DAAM1: variants seen among roughly 807,000 people sequenced by gnomAD.
DAAM1 encodes the protein dishevelled associated activator of morphogenesis 1.
DAAM1 carries 52 observed loss-of-function variants against 130.0 expected under a neutral mutation model. That is an observed-to-expected ratio of 0.40 (90% CI 0.32 to 0.50). The LOEUF is 0.50. Among genes scored for constraint, DAAM1 ranks in the 20% least tolerant of loss-of-function variants. The pLI is 0.61. For synonymous variants in DAAM1, 452 were observed against 444.5 expected (o/e 1.02, Z -0.21); for missense variants, 1,134 against 1,303.8 (o/e 0.87, Z 2.01).
intron 1 of DAAM1, among the ~76,000 whole-genome samples, chr14:59,244,510 A>C (rs540775078): frequency 2.6e-5 from 4 of 152,280 alleles, no homozygotes; most frequent in African/African-American, 9.6e-5. Flanking sequence ...CAAAGCACAC[A>C]TCTCTTTTGT....
intron 1 of DAAM1, among the ~76,000 whole-genome samples, chr14:59,247,557 A>G (rs1410937087): frequency 6.6e-6 from 1 of 152,034 alleles, no homozygotes; most frequent in Non-Finnish European, 1.5e-5. Context: ...ACTTTCAGAA[A>G]TGTTTTTTAG....
In DAAM1 at chr14:59,315,172, C is replaced by T. The variant is rs1314787858; in HGVS notation, c.274-108C>T. 3.1e-6 allele frequency: 3 copies of T among 966,738 alleles called. No homozygotes were observed. In the African/African-American group the frequency reaches 4.8e-5, roughly 15 times the overall value. 59.9% of individuals were successfully genotyped at this position (966,738 alleles called of 1,614,324 possible). A position where few individuals can be genotyped will look rare whatever the true frequency, so the allele number is the denominator to read the frequency against. ...TAAATACGTCATACCTTCGTGTCTT[C>T]TAAAGGCTTGAGTGGGTCATTGTCT... On this transcript the variant is annotated intron_variant, in intron 3 of 24. Coordinates refer to ENST00000360909, the MANE Select transcript of DAAM1 (RefSeq NM_001270520.2).
intron 1 of DAAM1, among the ~76,000 whole-genome samples, chr14:59,242,761 T>G (rs1404052706): frequency 6.6e-6 from 1 of 152,142 alleles, no homozygotes; most frequent in Non-Finnish European, 1.5e-5. Flanking sequence ...GGTTTCACCG[T>G]GTTAGCCAGG....
chr14:59,338,949 CT>C (rs754510122), intron 15 of DAAM1, among the ~76,000 whole-genome samples: 28 of 152,102 alleles, frequency 1.8e-4, no homozygotes, highest in Admixed American at 4.6e-4. Context: ...AATTCATTTT[CT>C]TTTTAAGCTG....
At chr14:59,268,450 C>T (rs898565058) in intron 2 of DAAM1, among the ~76,000 whole-genome samples, 1 of 152,192 alleles carries the variant, frequency 6.6e-6, no homozygotes, top group African/African-American at 2.4e-5. Context: ...CATTTTACAT[C>T]TCCACCAGCA....
At chr14:59,359,562 T>C (rs1265118503) in intron 21 of DAAM1, 58 bp downstream of exon 21, 1 of 1,360,188 alleles carries the variant, frequency 7.4e-7, no homozygotes, top group African/African-American at 1.4e-5. Context: ...TGTTAGCCAT[T>C]GAGGTAGTTT....
chr14:59,189,914 C>T (rs1325944640), intron 1 of DAAM1, among the ~76,000 whole-genome samples: 1 of 152,180 alleles, frequency 6.6e-6, no homozygotes, highest in African/African-American at 2.4e-5. Flanking sequence ...CCTTCATCTC[C>T]ACTTTCTGGA....
At chr14:59,325,792 G>T in intron 9 of DAAM1, 62 bp downstream of exon 9, 2 of 1,591,252 alleles carry the variant, frequency 1.3e-6, no homozygotes, top group Non-Finnish European at 1.7e-6. Context: ...TGTCTGTAAT[G>T]TGTGTTGTAG....
At chr14:59,224,479 C>G (rs1000586452) in intron 1 of DAAM1, among the ~76,000 whole-genome samples, 1 of 152,204 alleles carries the variant, frequency 6.6e-6, no homozygotes, top group Non-Finnish European at 1.5e-5. Context: ...TTGGCCTTTC[C>G]CACTGTAATA....
At chr14:59,193,398 A>G (rs1887791988) in intron 1 of DAAM1, among the ~76,000 whole-genome samples, 1 of 152,162 alleles carries the variant, frequency 6.6e-6, no homozygotes, top group African/African-American at 2.4e-5. Flanking sequence ...ATGAGATTCA[A>G]GTTGATTTTA....
intron 6 of DAAM1, 77 bp from the exon 7 acceptor site, chr14:59,324,051 T>C (rs920136058): frequency 8.5e-5 from 88 of 1,031,392 alleles, no homozygotes; most frequent in Non-Finnish European, 7.3e-5. Context: ...AAAAGTTAAC[T>C]TTTGAGTATA....
chr14:59,287,352 C>T (rs1263214600), intron 2 of DAAM1, among the ~76,000 whole-genome samples: 1 of 152,206 alleles, frequency 6.6e-6, no homozygotes, highest in African/African-American at 2.4e-5. Flanking sequence ...AAGCTGGAAG[C>T]CTTCCCTTTG....
Position 59,200,451 on chromosome 14 carries a change from A to AT in DAAM1, c.-38+11693dup, listed in dbSNP as rs74631508. ...AAGAGGATTAGCACAGTGATGTTCC[A>AT]TTTTTTTTTTCCTCCCCCAAACAAG... On this transcript the variant is annotated intron_variant, in intron 1 of 24. Transcript: ENST00000360909. Among the ~76,000 whole-genome samples, 475 of 149,504 alleles carry AT rather than the reference A, an allele frequency of 3.2e-3. 3 individuals are homozygous for AT. Among genetic ancestry groups the AT allele is most frequent in the African/African-American group, 0.011 (446 of 40,744 alleles).
At chr14:59,323,993 C>A (rs1030221235) in intron 6 of DAAM1, 135 bp from the exon 7 acceptor site, 10 of 465,420 alleles carry the variant, frequency 2.1e-5, no homozygotes, top group Non-Finnish European at 2.7e-5. Context: ...GATCATGCCA[C>A]CGCACTCCAG....
At chr14:59,256,972 T>A (rs1207023070) in intron 1 of DAAM1, among the ~76,000 whole-genome samples, 1 of 152,220 alleles carries the variant, frequency 6.6e-6, no homozygotes, top group South Asian at 2.1e-4. Flanking sequence ...AGCGAGTCTC[T>A]TTTCAATGGC....
intron 3 of DAAM1, among the ~76,000 whole-genome samples, chr14:59,311,346 T>C (rs1293556619): frequency 6.6e-6 from 1 of 152,136 alleles, no homozygotes; most frequent in African/African-American, 2.4e-5. Flanking sequence ...AATTATTTGC[T>C]GTGGGAGGTG....
intron 12 of DAAM1, among the ~76,000 whole-genome samples, chr14:59,327,303 C>T (rs75422833): frequency 0.019 from 2,904 of 151,830 alleles, 92 homozygotes; most frequent in African/African-American, 0.066. Context: ...TCCCCTACTC[C>T]GTCATGGCTC....
intron 16 of DAAM1, 64 bp from the exon 17 acceptor site, chr14:59,347,475 G>A: frequency 6.8e-7 from 1 of 1,475,408 alleles, no homozygotes; most frequent in Non-Finnish European, 9.3e-7. Flanking sequence ...GGGTAGCAAA[G>A]TGAATTATGT....
At position 59,212,476 on chromosome 14, in the gene DAAM1, C is replaced by G. The variant is rs369330040; in HGVS notation, c.-38+23708C>G. On this transcript the variant is annotated intron_variant, in intron 1 of 24. Coordinates refer to ENST00000360909, the MANE Select transcript of DAAM1 (RefSeq NM_001270520.2). ...CCGAGTCAAGTTAGAACACAGGTCT[C>G]TGCTAATTGTCATATCTTAGATGAT... 7.9e-5 allele frequency among the ~76,000 whole-genome samples: 12 copies of G among 152,324 alleles called. No homozygotes were observed. In the East Asian group the frequency reaches 2.3e-3, roughly 29 times the overall value.
Sources: allele counts gnomAD v4.1 joint callset (sites outside exome capture counted in the v4.1 genomes callset), GRCh38; gene constraint gnomAD v4.1.1; transcripts MANE v1.5; gene names NCBI Gene and HGNC (gene_info 2026-07-23, HGNC 2026-07-21).